The following ADARB2 variants were observed in gnomAD, a reference collection of about 807,000 sequenced individuals.
The protein encoded by ADARB2 is inactive double-stranded RNA-specific editase B2.
In ADARB2, 25 loss-of-function variants were observed where a neutral mutation model predicts 62.2. That is an observed-to-expected ratio of 0.40 (90% confidence interval 0.29 to 0.56). The LOEUF (loss-of-function observed/expected upper bound fraction) is 0.56. ADARB2 is among the 20% of genes least tolerant of loss of function. The pLI is 0.43. For synonymous variants in ADARB2, 572 were observed against 500.8 expected, an observed-to-expected ratio of 1.14 and a Z score of -1.90; for missense variants, 1,071 against 1,077.4, an observed-to-expected ratio of 0.99 and a Z score of 0.08.
intron 1 of ADARB2, among the ~76,000 whole-genome samples, chr10:1,600,892 C>G (rs1295521127): frequency 1.3e-5 from 2 of 152,102 alleles, no homozygotes; most frequent in African/African-American, 2.4e-5. Flanking sequence ...AAATGGCATT[C>G]TATGGTGGAG....
chr10:1,309,525 T>G, intron 3 of ADARB2, among the ~76,000 whole-genome samples: 1 of 152,222 alleles, frequency 6.6e-6, no homozygotes, highest in Non-Finnish European at 1.5e-5. Flanking sequence ...CTGGGATGTT[T>G]GTTTCTGGCT....
chr10:1,428,267 C>T (rs1300721932), intron 1 of ADARB2, among the ~76,000 whole-genome samples: 1 of 151,132 alleles, frequency 6.6e-6, no homozygotes, highest in African/African-American at 2.4e-5. Context: ...GCCACCACAC[C>T]TGCCTCCAAA....
At chr10:1,550,691 G>T (rs1832607477) in intron 1 of ADARB2, among the ~76,000 whole-genome samples, 1 of 152,148 alleles carries the variant, frequency 6.6e-6, no homozygotes, top group Non-Finnish European at 1.5e-5. Context: ...TTTGGAATTT[G>T]TTAGGGTCGT....
chr10:1,415,990 G>C (rs1414040562), intron 1 of ADARB2, among the ~76,000 whole-genome samples: 1 of 152,146 alleles, frequency 6.6e-6, no homozygotes. Flanking sequence ...AATATCTCTA[G>C]ACCACTCCAT....
chr10:1,243,747 C>G (rs938574930), intron 4 of ADARB2, among the ~76,000 whole-genome samples: 7 of 152,246 alleles, frequency 4.6e-5, no homozygotes, highest in Non-Finnish European at 8.8e-5. Flanking sequence ...GTCTGTCCAG[C>G]CTCCTTCCTT....
At chr10:1,681,517 C>T (rs1008994404) in intron 1 of ADARB2, among the ~76,000 whole-genome samples, 8 of 151,708 alleles carry the variant, frequency 5.3e-5, no homozygotes, top group Non-Finnish European at 1.0e-4. Flanking sequence ...GGAATTAGGC[C>T]ACCTAGATTC....
At chr10:1,463,172 G>T (rs913547715) in intron 1 of ADARB2, among the ~76,000 whole-genome samples, 10 of 152,162 alleles carry the variant, frequency 6.6e-5, no homozygotes, top group African/African-American at 1.4e-4. Context: ...CTGCAGCGGG[G>T]GCACAGGAAG....
intron 1 of ADARB2, among the ~76,000 whole-genome samples, chr10:1,647,467 A>G (rs1834058147): frequency 6.6e-6 from 1 of 152,174 alleles, no homozygotes; most frequent in Admixed American, 6.5e-5. Flanking sequence ...ATATGTGTAT[A>G]TGTACGTGTG....
At chr10:1,655,498 A>G (rs986240585) in intron 1 of ADARB2, among the ~76,000 whole-genome samples, 2 of 152,230 alleles carry the variant, frequency 1.3e-5, no homozygotes, top group East Asian at 1.9e-4. Flanking sequence ...TTTGCTATTG[A>G]TTAACTATTT....
chr10:1,480,502 T>G (rs1007801976), intron 1 of ADARB2, among the ~76,000 whole-genome samples: 7 of 152,122 alleles, frequency 4.6e-5, no homozygotes, highest in African/African-American at 1.4e-4. Flanking sequence ...ATTGAGACCA[T>G]CCTGGCTAAC....
At chr10:1,653,781 A>T (rs1330556075) in intron 1 of ADARB2, among the ~76,000 whole-genome samples, 5 of 152,220 alleles carry the variant, frequency 3.3e-5, no homozygotes, top group Non-Finnish European at 5.9e-5. Flanking sequence ...GACCCTCAAT[A>T]AATGAGTAAT....
chr10:1,646,703 G>A (rs1433078513), intron 1 of ADARB2, among the ~76,000 whole-genome samples: 1 of 152,202 alleles, frequency 6.6e-6, no homozygotes, highest in African/African-American at 2.4e-5. Flanking sequence ...TCACCATTTT[G>A]CTATAGCTCA....
intron 3 of ADARB2, among the ~76,000 whole-genome samples, chr10:1,294,795 A>C (rs11250388): frequency 6.6e-6 from 1 of 152,110 alleles, no homozygotes; most frequent in Non-Finnish European, 1.5e-5. Context: ...GCGCTACCCA[A>C]TTCTGACAAC....
chr10:1,440,266 C>A (rs1257864046), intron 1 of ADARB2, among the ~76,000 whole-genome samples: 1 of 152,202 alleles, frequency 6.6e-6, no homozygotes. Context: ...AGCACCTGGG[C>A]TCCGAGACAG....
chr10:1,445,307 G>A (rs961572065), intron 1 of ADARB2, among the ~76,000 whole-genome samples: 60 of 138,060 alleles, frequency 4.3e-4, no homozygotes, highest in African/African-American at 1.6e-3. Context: ...TTCACCATCC[G>A]CCTACATCCA....
At chr10:1,408,790 G>A (rs1043720840) in intron 1 of ADARB2, among the ~76,000 whole-genome samples, 2 of 152,162 alleles carry the variant, frequency 1.3e-5, no homozygotes, top group East Asian at 1.9e-4. Context: ...GAGAGACCAC[G>A]GCCACACACT....
intron 4 of ADARB2, among the ~76,000 whole-genome samples, chr10:1,249,267 C>T (rs1465873545): frequency 6.6e-6 from 1 of 152,056 alleles, no homozygotes; most frequent in Non-Finnish European, 1.5e-5. Flanking sequence ...CATAGCCAGA[C>T]CCCAAGTCTA....
chr10:1,528,223 C>T (rs942162872), intron 1 of ADARB2, among the ~76,000 whole-genome samples: 54 of 152,234 alleles, frequency 3.5e-4, no homozygotes, highest in African/African-American at 1.3e-3. Context: ...AGCAGCTCCG[C>T]GCCTCCTGTG....
intron 1 of ADARB2, among the ~76,000 whole-genome samples, chr10:1,592,284 T>G (rs1413144306): frequency 2.0e-5 from 3 of 151,304 alleles, no homozygotes; most frequent in South Asian, 2.1e-4. Flanking sequence ...TCTGTAGGTC[T>G]CCTCTCTGGC....
Sources: allele counts gnomAD v4.1 joint callset (sites outside exome capture counted in the v4.1 genomes callset), GRCh38; gene constraint gnomAD v4.1.1; transcripts MANE v1.5; gene names NCBI Gene and HGNC (gene_info 2026-07-23, HGNC 2026-07-21).